EDN1: variants seen among roughly 807,000 people sequenced by gnomAD.
EDN1 encodes the protein endothelin 1.
EDN1 carries 11 observed loss-of-function variants against 21.7 expected under a neutral mutation model. The observed-to-expected ratio is 0.51, with a 90% CI of 0.32 to 0.84. The LOEUF is 0.84. Ranked by LOEUF, EDN1 falls within the 40% of genes least tolerant of loss-of-function variation. The probability of loss-of-function intolerance (pLI) is 0.03; values close to 1 mark genes in which losing one functional copy is unlikely to be tolerated. For synonymous variants in EDN1, 85 were observed against 90.6 expected (o/e 0.94, Z 0.35); for missense variants, 244 against 262.3 (o/e 0.93, Z 0.48).
chr6:12,295,228 G>A (rs10478723), intron 4 of EDN1, among the ~76,000 whole-genome samples: 21,255 of 152,088 alleles, frequency 0.14, 3,379 homozygotes, highest in African/African-American at 0.39. Context: ...TGATTAAAGT[G>A]TTCTGAGCTC....
At chr6:12,250,118 C>T in the EDN1 span, among the ~76,000 whole-genome samples, 1 of 151,584 alleles carries the variant, frequency 6.6e-6, no homozygotes, top group African/African-American at 2.4e-5. Context: ...ATTCCTGACC[C>T]ATGCACTCTT....
At chr6:12,275,858 C>G in the EDN1 span, among the ~76,000 whole-genome samples, 1,510 of 151,344 alleles carry the variant, frequency 1.0e-2, 23 homozygotes, top group African/African-American at 0.035. Flanking sequence ...TGTATTTGTA[C>G]ATAAGTTAAA....
At chr6:12,288,483 G>C (rs1762602182), upstream of EDN1, among the ~76,000 whole-genome samples, 1 of 152,180 alleles carries the variant, frequency 6.6e-6, no homozygotes, top group Admixed American at 6.5e-5. Context: ...CTGGGCCCCG[G>C]GGCTAGGCTG....
At chr6:12,286,607 T>A (rs1316919203), upstream of EDN1, among the ~76,000 whole-genome samples, 2 of 152,204 alleles carry the variant, frequency 1.3e-5, no homozygotes, top group African/African-American at 4.8e-5. Flanking sequence ...CATACCAAAT[T>A]TATTGGCTTG....
At position 12,294,000 on chromosome 6, in the gene EDN1, T is replaced by A. The variant is rs757031803; in HGVS notation, c.293T>A (p.Leu98His). The change falls in exon 3 of 5, where the codon CTT becomes CAT. Residue 98 changes from leucine (L) to histidine (H), a missense_variant. Physicochemically the swap from Leu to His is moderately conservative, Grantham distance 99. Coordinates refer to ENST00000379375, the MANE Select transcript of EDN1 (RefSeq NM_001955.5). ...TCCAAGAGAGCCTTGGAGAATTTAC[T>A]TCCCACAAAGGCAACAGACCGTGAA... ...PRSKRALENL[L>H]PTKATDRENR... 1.9e-6 allele frequency: 3 copies of A among 1,614,218 alleles called. No individual in the cohort carries two copies. Among genetic ancestry groups the A allele is most frequent in the South Asian group, 2.2e-5 (2 of 91,084 alleles).
At chr6:12,230,706 T>C in the EDN1 span, among the ~76,000 whole-genome samples, 3 of 152,186 alleles carry the variant, frequency 2.0e-5, no homozygotes, top group Non-Finnish European at 4.4e-5. Context: ...ACTCGAATTT[T>C]TCACCACTCT....
At chr6:12,247,516 C>CTTTT in the EDN1 span, among the ~76,000 whole-genome samples, 1 of 107,670 alleles carries the variant, frequency 9.3e-6, no homozygotes. Context: ...AGGATGATTT[C>CTTTT]TTTTTTTTTT....
chr6:12,251,720 G>A, the EDN1 span, among the ~76,000 whole-genome samples: 3 of 152,140 alleles, frequency 2.0e-5, no homozygotes, highest in Non-Finnish European at 4.4e-5. Flanking sequence ...GCTTGCTGAT[G>A]TCACAGCCTG....
the EDN1 span, among the ~76,000 whole-genome samples, chr6:12,275,160 C>T: frequency 1.3e-5 from 2 of 152,176 alleles, no homozygotes; most frequent in African/African-American, 2.4e-5. Flanking sequence ...ATGGTACCCA[C>T]GGGGGTCCCT....
At chr6:12,278,651 G>A in the EDN1 span, among the ~76,000 whole-genome samples, 4 of 152,096 alleles carry the variant, frequency 2.6e-5, no homozygotes, top group Non-Finnish European at 2.9e-5. Flanking sequence ...CAGCACTTTC[G>A]GAGGCCGAGG....
chr6:12,296,049 C>G lies in EDN1; in HGVS notation c.621C>G (p.His207Gln). 6.2e-7 allele frequency: 1 copy of G among 1,614,044 alleles called. No homozygotes were observed. The highest frequency in any genetic ancestry group is 8.5e-7 in the Non-Finnish European group (1 of 1,179,952). The change falls in exon 5 of 5, where the codon CAC (histidine) becomes CAG (glutamine). Residue 207 changes from histidine to glutamine, a missense_variant. Coordinates refer to ENST00000379375, the MANE Select transcript of EDN1 (RefSeq NM_001955.5). ...CCTCCAGAGAGCGTTATGTGACCCA[C>G]AACCGAGCACATTGGTGACAGACCT... ...GKPSRERYVT[H>Q]NRAHW
the EDN1 span, among the ~76,000 whole-genome samples, chr6:12,273,604 C>CTTTTTTT: frequency 4.8e-5 from 4 of 83,380 alleles, no homozygotes; most frequent in African/African-American, 1.5e-4. Context: ...GTAGGCAGGA[C>CTTTTTTT]TTTTTTTTTT....
the EDN1 span, among the ~76,000 whole-genome samples, chr6:12,269,814 G>A: frequency 2.6e-5 from 4 of 151,666 alleles, no homozygotes; most frequent in Admixed American, 6.6e-5. Flanking sequence ...GGGTAATGCT[G>A]GCTTTATAAA....
the EDN1 span, among the ~76,000 whole-genome samples, chr6:12,256,571 T>A: frequency 2.0e-5 from 3 of 152,132 alleles, no homozygotes; most frequent in Non-Finnish European, 4.4e-5. Flanking sequence ...GTGACCCAGG[T>A]AAGCATGTGT....
the EDN1 span, among the ~76,000 whole-genome samples, chr6:12,240,097 G>T: frequency 6.6e-6 from 1 of 152,162 alleles, no homozygotes; most frequent in African/African-American, 2.4e-5. Flanking sequence ...TAGAATTCAG[G>T]TAGGCCAGAT....
At chr6:12,258,002 A>G in the EDN1 span, among the ~76,000 whole-genome samples, 2 of 152,170 alleles carry the variant, frequency 1.3e-5, no homozygotes, top group Non-Finnish European at 2.9e-5. Flanking sequence ...ACATATTTGC[A>G]CATGAGGAGT....
the EDN1 span, among the ~76,000 whole-genome samples, chr6:12,232,321 C>T: frequency 6.6e-6 from 1 of 150,472 alleles, no homozygotes; most frequent in Non-Finnish European, 1.5e-5. Context: ...CTGATTAGAT[C>T]ACCATATGGG....
rs1762834657 is a variant in EDN1, at chr6:12,296,704, C to T, written c.*637C>T. ...CATTTAATTATTGCCTCCCCAAACT[C>T]TTCCCACCCCTGCTGCCCCTTCCTC... On this transcript the variant is annotated 3_prime_UTR_variant, in exon 5 of 5. Transcript: ENST00000379375. 1 of 153,312 alleles carries T rather than the reference C, an allele frequency of 6.5e-6. No individual in the cohort carries two copies. The highest frequency in any genetic ancestry group is 2.4e-5 in the African/African-American group (1 of 41,444). 9.5% of individuals were successfully genotyped at this position (153,312 alleles called of 1,614,324 possible). A position where few individuals can be genotyped will look rare whatever the true frequency, so the allele number is the denominator to read the frequency against.
the EDN1 span, among the ~76,000 whole-genome samples, chr6:12,263,185 A>T: frequency 1.3e-5 from 2 of 152,228 alleles, no homozygotes; most frequent in Admixed American, 1.3e-4. Flanking sequence ...TCTGACAGAC[A>T]AAGAAGATTC....
Sources: gnomAD v4.1 joint callset for allele counts (sites outside exome capture counted in the v4.1 genomes callset) on GRCh38, gnomAD v4.1.1 for gene constraint, MANE v1.5 for transcripts, NCBI Gene and HGNC (gene_info 2026-07-23, HGNC 2026-07-21) for gene names.